VIT: variants seen among roughly 807,000 people sequenced by gnomAD.
VIT encodes vitrin.
In VIT, 99 loss-of-function variants were observed where a neutral mutation model predicts 78.0. That is an observed-to-expected ratio of 1.27 (90% CI 1.08 to 1.50). The LOEUF is 1.50. VIT is among the 40% of genes most tolerant of loss of function. The pLI is 0.00. For missense variants in VIT, 1,126 were observed against 875.3 expected, an observed-to-expected ratio of 1.29 and a Z score of -3.61; for synonymous variants, 374 against 334.3, an observed-to-expected ratio of 1.12 and a Z score of -1.29.
At chr2:36,799,304 G>T (rs527944339) in intron 12 of VIT, among the ~76,000 whole-genome samples, 6 of 152,158 alleles carry the variant, frequency 3.9e-5, no homozygotes, top group African/African-American at 1.4e-4. Context: ...GTCCCGGTCC[G>T]CATGGACTCA....
intron 15 of VIT, among the ~76,000 whole-genome samples, chr2:36,810,585 C>G (rs921481297): frequency 6.6e-6 from 1 of 151,936 alleles, no homozygotes; most frequent in Non-Finnish European, 1.5e-5. Context: ...TATGAATATA[C>G]ACAACTCACT....
chr2:36,749,725 G>C (rs6741009), intron 4 of VIT, among the ~76,000 whole-genome samples: 8 of 152,178 alleles, frequency 5.3e-5, no homozygotes, highest in African/African-American at 1.9e-4. Context: ...GATGTGACTC[G>C]GGAGTCGATA....
chr2:36,796,867 C>A (rs139097255), intron 12 of VIT, among the ~76,000 whole-genome samples: 2 of 152,208 alleles, frequency 1.3e-5, no homozygotes, highest in East Asian at 3.9e-4. Flanking sequence ...TTGACAGTCA[C>A]CAGACACCCT....
chr2:36,747,300 A>T (rs1421914257), intron 4 of VIT, among the ~76,000 whole-genome samples: 1 of 152,174 alleles, frequency 6.6e-6, no homozygotes, highest in Non-Finnish European at 1.5e-5. Flanking sequence ...TATTCTGTAG[A>T]TGTCTATTAG....
At chr2:36,748,550 A>G (rs905706463) in intron 4 of VIT, among the ~76,000 whole-genome samples, 3 of 152,232 alleles carry the variant, frequency 2.0e-5, no homozygotes, top group African/African-American at 7.2e-5. Flanking sequence ...CAAATGTATT[A>G]TGAAATTCCT....
intron 9 of VIT, among the ~76,000 whole-genome samples, chr2:36,777,991 A>C (rs1670172495): frequency 6.6e-6 from 1 of 152,160 alleles, no homozygotes; most frequent in South Asian, 2.1e-4. Flanking sequence ...TCCTTTCTAC[A>C]GGACACCAGG....
chr2:36,778,687 G>A (rs959213191), intron 9 of VIT, among the ~76,000 whole-genome samples: 6 of 152,110 alleles, frequency 3.9e-5, no homozygotes, highest in East Asian at 1.9e-4. Context: ...TGTGTGATGC[G>A]CTACCAGCAT....
intron 3 of VIT, among the ~76,000 whole-genome samples, chr2:36,741,482 C>T (rs1378193234): frequency 2.0e-5 from 3 of 152,128 alleles, no homozygotes; most frequent in Non-Finnish European, 2.9e-5. Context: ...CAAAGATTGT[C>T]TGGGATGGGT....
In VIT at chr2:36,798,725, C is replaced by T. The variant is rs967164834; in HGVS notation, c.1059-2576C>T. ...AGTGAACCAAAATCGAGCCACTGCACTCCAGCCTGGGCAACAGAGCAAGAC... is the reference window on the plus strand; with the variant it reads ...AGTGAACCAAAATCGAGCCACTGCATTCCAGCCTGGGCAACAGAGCAAGAC... On this transcript the variant is annotated intron_variant, in intron 12 of 15. Transcript: ENST00000379242. Among the ~76,000 whole-genome samples the T allele has an allele frequency of 5.3e-5, 8 of 152,170 alleles. No individual in the cohort carries two copies. In the South Asian group the frequency reaches 6.2e-4, roughly 12 times the overall value.
chr2:36,768,472 A>G (rs1669568567), intron 7 of VIT, among the ~76,000 whole-genome samples: 1 of 152,248 alleles, frequency 6.6e-6, no homozygotes, highest in South Asian at 2.1e-4. Context: ...CACTTTGAAT[A>G]TGCTAGCCCA....
At chr2:36,702,327 C>T (rs971095648) in intron 1 of VIT, among the ~76,000 whole-genome samples, 2 of 152,062 alleles carry the variant, frequency 1.3e-5, no homozygotes, top group African/African-American at 4.8e-5. Context: ...CCCCAGACAC[C>T]GCCTACCGCT....
Position 36,729,502 on chromosome 2 carries a change from T to A in VIT, c.118+11T>A. 2 of 1,607,702 alleles carry A rather than the reference T, an allele frequency of 1.2e-6. No individual in the cohort carries two copies. Among genetic ancestry groups the A allele is most frequent in the East Asian group, 4.5e-5 (2 of 44,688 alleles). ...AAAGGCCCAAGTTCAGTAAGTAAAA[T>A]CACAATTCCTTGCTGGCATAATGCT... On this transcript the variant is annotated intron_variant, in intron 3 of 15. Coordinates refer to ENST00000379242, the MANE Select transcript of VIT (RefSeq NM_053276.4).
At chr2:36,775,427 G>C (rs916700310) in intron 9 of VIT, among the ~76,000 whole-genome samples, 3 of 152,132 alleles carry the variant, frequency 2.0e-5, no homozygotes, top group African/African-American at 7.2e-5. Context: ...CACATGGTTC[G>C]GATATGGCAT....
At chr2:36,750,495 G>A (rs896605374) in intron 4 of VIT, among the ~76,000 whole-genome samples, 1 of 152,158 alleles carries the variant, frequency 6.6e-6, no homozygotes, top group Non-Finnish European at 1.5e-5. Flanking sequence ...AGAGCCACAA[G>A]AGTAAATTTG....
chr2:36,697,065 G>A (rs1466674793), intron 1 of VIT, 92 bp downstream of exon 1: 1 of 143,656 alleles, frequency 7.0e-6, no homozygotes, highest in Non-Finnish European at 1.6e-5. Flanking sequence ...ACAATACAAA[G>A]CTTGACCGAG....
At chr2:36,785,686 T>C (rs935226412) in intron 11 of VIT, among the ~76,000 whole-genome samples, 1 of 152,216 alleles carries the variant, frequency 6.6e-6, no homozygotes, top group Admixed American at 6.5e-5. Context: ...TGAGATTTGC[T>C]ACTGAGCCAA....
intron 2 of VIT, among the ~76,000 whole-genome samples, chr2:36,721,222 C>G (rs560821161): frequency 2.0e-5 from 3 of 152,216 alleles, no homozygotes; most frequent in African/African-American, 4.8e-5. Context: ...CATTTCACAA[C>G]GTACACATAT....
chr2:36,715,681 T>C (rs913489304), intron 1 of VIT, among the ~76,000 whole-genome samples: 1 of 152,196 alleles, frequency 6.6e-6, no homozygotes, highest in Non-Finnish European at 1.5e-5. Flanking sequence ...ATTCAATTGG[T>C]CTGGGGTACA....
In VIT at chr2:36,709,957, A is replaced by G. The variant is rs531703397; in HGVS notation, c.-18-6396A>G. On this transcript the variant is annotated intron_variant, in intron 1 of 15. Coordinates refer to ENST00000379242, the MANE Select transcript of VIT (RefSeq NM_053276.4). ...GCACAATCAGACCTGTGCTTTAGGA[A>G]GCTGATCCTTTCCAACTGAAAGAAA... 2.6e-5 allele frequency among the ~76,000 whole-genome samples: 4 copies of G among 152,314 alleles called. No individual in the cohort carries two copies. The East Asian group carries it at 7.7e-4, about 29-fold the overall frequency.
Sources: allele counts gnomAD v4.1 joint callset (sites outside exome capture counted in the v4.1 genomes callset), GRCh38; gene constraint gnomAD v4.1.1; transcripts MANE v1.5; gene names NCBI Gene and HGNC (gene_info 2026-07-23, HGNC 2026-07-21).